Variants in LNPEP observed in about 807,000 individuals in gnomAD.
LNPEP encodes leucyl and cystinyl aminopeptidase.
LNPEP carries 64 observed loss-of-function variants against 120.6 expected under a neutral mutation model. That is an observed-to-expected ratio of 0.53 (90% CI 0.43 to 0.65). LNPEP has a LOEUF of 0.65. LNPEP is among the 30% of genes least tolerant of loss of function. The pLI is 0.00. For missense variants in LNPEP, 1,057 were observed against 1,200.0 expected (o/e 0.88, Z 1.76); for synonymous variants, 435 against 425.4 (o/e 1.02, Z -0.28).
intron 1 of LNPEP, among the ~76,000 whole-genome samples, chr5:96,946,471 AGTT>A (rs1481034963): frequency 1.3e-5 from 2 of 152,228 alleles, no homozygotes; most frequent in African/African-American, 4.8e-5. Flanking sequence ...GTTCCAGTCC[AGTT>A]GTTCACTGCA....
chr5:96,989,276 TTATATAA>T (rs1162819073), intron 4 of LNPEP, among the ~76,000 whole-genome samples: 2 of 137,592 alleles, frequency 1.5e-5, no homozygotes, highest in Non-Finnish European at 3.1e-5. Context: ...GATATATATA[TTATATAA>T]TATATAATTT....
chr5:96,990,929 G>A (rs1446396372), intron 4 of LNPEP, among the ~76,000 whole-genome samples: 1 of 152,164 alleles, frequency 6.6e-6, no homozygotes, highest in Non-Finnish European at 1.5e-5. Flanking sequence ...ATTTTAAGAG[G>A]TTTTTGGGGA....
intron 1 of LNPEP, among the ~76,000 whole-genome samples, chr5:96,956,700 GA>G (rs1425297644): frequency 6.6e-6 from 1 of 152,154 alleles, no homozygotes; most frequent in Non-Finnish European, 1.5e-5. Flanking sequence ...AGTTTGAGGT[GA>G]TTGTTTCTTC....
chr5:96,991,686 T>G (rs1790391941), intron 4 of LNPEP, among the ~76,000 whole-genome samples: 1 of 152,216 alleles, frequency 6.6e-6, no homozygotes, highest in South Asian at 2.1e-4. Context: ...TTGTTTGAGT[T>G]CCTTTTAGAT....
In LNPEP at chr5:96,957,647, A is replaced by G. The variant is rs185514690; in HGVS notation, c.19+21473A>G. ...ATGGGAGGGGGGCCCAAGCTAAGGA[A>G]TGTAAGCAGTTTCTAGAAGCTGAAA... On this transcript the variant is annotated intron_variant, in intron 1 of 17. Transcript: ENST00000231368. Among the ~76,000 whole-genome samples the G allele has an allele frequency of 2.7e-3, 408 of 152,262 alleles. 3 individuals are homozygous for G. Among genetic ancestry groups the G allele is most frequent in the African/African-American group, 9.0e-3 (373 of 41,554 alleles).
chr5:96,994,353 C>T (rs1475181781), intron 6 of LNPEP, among the ~76,000 whole-genome samples: 2 of 152,204 alleles, frequency 1.3e-5, no homozygotes, highest in Non-Finnish European at 1.5e-5. Context: ...CAGTAATACA[C>T]AGCTGCATCA....
rs1791349214 is a variant in LNPEP, at chr5:97,026,694, A to G, written c.2801A>G (p.His934Arg). 6.2e-7 allele frequency: 1 copy of G among 1,613,494 alleles called. No individual in the cohort carries two copies. Among genetic ancestry groups the G allele is most frequent in the Non-Finnish European group, 8.5e-7 (1 of 1,179,392 alleles). ...TTTATCATTAGAACAGTGGGTCGAC[A>G]TTTTCCTGGACACTTACTGGCATGG... ...LSFIIRTVGR[H>R]FPGHLLAWDF... The change falls in exon 16 of 18, where the codon CAT becomes CGT. Residue 934 changes from histidine to arginine, a missense_variant. Transcript: ENST00000231368.
At chr5:96,989,425 T>TA (rs1186981502) in intron 4 of LNPEP, among the ~76,000 whole-genome samples, 2 of 134,966 alleles carry the variant, frequency 1.5e-5, no homozygotes, top group Admixed American at 7.7e-5. Context: ...TATAATTATA[T>TA]ATTATATATT....
At chr5:96,996,873 T>A (rs1790528238) in intron 7 of LNPEP, among the ~76,000 whole-genome samples, 2 of 152,134 alleles carry the variant, frequency 1.3e-5, no homozygotes, top group Admixed American at 1.3e-4. Flanking sequence ...TAAACTTTTT[T>A]ATCCTGTGTA....
chr5:96,984,392 T>A (rs539412046), intron 2 of LNPEP, among the ~76,000 whole-genome samples: 1 of 152,286 alleles, frequency 6.6e-6, no homozygotes, highest in South Asian at 2.1e-4. Flanking sequence ...ATTTACTTAA[T>A]CTAAATGGGT....
chr5:96,946,202 T>C (rs140401711), intron 1 of LNPEP, among the ~76,000 whole-genome samples: 61 of 152,194 alleles, frequency 4.0e-4, no homozygotes, highest in Non-Finnish European at 8.4e-4. Flanking sequence ...AGCTACATTA[T>C]GAAGATAACT....
In LNPEP at chr5:96,979,933, A is replaced by T. The variant is rs772582117; in HGVS notation, c.815A>T (p.Tyr272Phe). 6.2e-7 allele frequency: 1 copy of T among 1,610,650 alleles called. No individual in the cohort carries two copies. Among genetic ancestry groups the T allele is most frequent in the South Asian group, 1.1e-5 (1 of 90,888 alleles). ...EYSANISSSYYGFYGFSYTDE... is the reference protein window; with the variant it reads ...EYSANISSSYFGFYGFSYTDE... The stretch of plus-strand genomic sequence containing the variant: ...TCGGCAAATATATCTAGTTCTTATT[A>T]TGGGTTTTATGGCTTCTCCTACACA... The change falls in exon 2 of 18, where the codon TAT becomes TTT. Residue 272 changes from tyrosine (Y) to phenylalanine (F), a missense_variant. Physicochemically the swap from Tyr to Phe is conservative, Grantham distance 22. Coordinates refer to ENST00000231368, the MANE Select transcript of LNPEP (RefSeq NM_005575.3).
At chr5:96,969,828 C>T (rs1327879773) in intron 1 of LNPEP, among the ~76,000 whole-genome samples, 1 of 150,706 alleles carries the variant, frequency 6.6e-6, no homozygotes, top group African/African-American at 2.4e-5. Context: ...ATTTTTAAAC[C>T]TTTTCCCAAT....
chr5:97,028,905 G>A lies in LNPEP; in HGVS notation c.*372G>A, dbSNP rs543009122. 1.6e-5 allele frequency: 3 copies of A among 185,166 alleles called. No individual in the cohort carries two copies. The highest frequency in any genetic ancestry group is 2.4e-5 in the African/African-American group (1 of 41,866). The allele number at this position is 185,166 out of a possible 1,614,324, so 11.5% of individuals were successfully genotyped here. A position where few individuals can be genotyped will look rare whatever the true frequency, so the allele number is the denominator to read the frequency against. ...CAAGGAAAGTTCTACCCTAAGAGCC[G>A]CCATCACTTCAGGCCGCTGGTTTGT... is the stretch of plus-strand genomic sequence containing the variant. On this transcript the variant is annotated 3_prime_UTR_variant, in exon 18 of 18. Coordinates refer to ENST00000231368, the MANE Select transcript of LNPEP (RefSeq NM_005575.3).
rs1582040958 is a variant in LNPEP, at chr5:97,030,209, G to A, written c.*1676G>A. The A allele has an allele frequency of 6.6e-6, 1 of 152,050 alleles. No individual in the cohort carries two copies. The allele number at this position is 152,050 out of a possible 1,614,324, so 9.4% of individuals were successfully genotyped here. A position where few individuals can be genotyped will look rare whatever the true frequency, so the allele number is the denominator to read the frequency against. ...ATCCTAGTGTGTTTTCCCCAATTTA[G>A]TCTTTTCTAAAATTTATCTGTTTTA... is the stretch of plus-strand genomic sequence containing the variant. On this transcript the variant is annotated 3_prime_UTR_variant, in exon 18 of 18. Coordinates refer to ENST00000231368, the MANE Select transcript of LNPEP (RefSeq NM_005575.3).
rs1006225596 is a variant in LNPEP at position 97,037,059 on chromosome 5, T to C, written c.*8526T>C. Reference sequence around the variant, plus strand: ...TATGTATGTGTATATAAAATGAGAATTATGGCATAATTGGAGCATTTGCAT... The same window carrying C: ...TATGTATGTGTATATAAAATGAGAACTATGGCATAATTGGAGCATTTGCAT... On this transcript the variant is annotated 3_prime_UTR_variant, in exon 18 of 18. Transcript: ENST00000231368. 1 of 152,166 alleles carries C rather than the reference T, an allele frequency of 6.6e-6. No individual in the cohort carries two copies. The highest frequency in any genetic ancestry group is 6.6e-5 in the Admixed American group (1 of 15,258). 9.4% of individuals were successfully genotyped at this position (152,166 alleles called of 1,614,324 possible).
At chr5:96,939,358 C>T (rs1202434439) in intron 1 of LNPEP, among the ~76,000 whole-genome samples, 1 of 151,872 alleles carries the variant, frequency 6.6e-6, no homozygotes, top group Admixed American at 6.6e-5. Flanking sequence ...GGATTACAGG[C>T]GCCCGCCACC....
intron 1 of LNPEP, chr5:96,936,630 T>C (rs1455289632): frequency 9.9e-6 from 1 of 101,008 alleles, no homozygotes; most frequent in African/African-American, 3.9e-5. Context: ...CTTTTCCTAA[T>C]AGGGCGGGGT....
intron 1 of LNPEP, chr5:96,942,281 C>T (rs1789072855): frequency 6.6e-6 from 1 of 152,156 alleles, no homozygotes; most frequent in South Asian, 2.1e-4. Flanking sequence ...CTCACCGCCG[C>T]TCGCTCTCAC....
Sources: gnomAD v4.1 joint callset for allele counts (sites outside exome capture counted in the v4.1 genomes callset) on GRCh38, gnomAD v4.1.1 for gene constraint, MANE v1.5 for transcripts, NCBI Gene and HGNC (gene_info 2026-07-23, HGNC 2026-07-21) for gene names.